Variants in TTC13 observed in about 807,000 individuals in gnomAD.
The protein encoded by TTC13 is tetratricopeptide repeat protein 13.
In TTC13, 62 loss-of-function variants were observed where a neutral mutation model predicts 120.0. The ratio of observed to expected loss-of-function variants is 0.52; its 90% CI spans 0.42 to 0.64. TTC13 has a LOEUF of 0.64. TTC13 is among the 30% of genes least tolerant of loss of function. The pLI, the probability that TTC13 is intolerant of heterozygous loss-of-function variation, is 0.00. For missense variants in TTC13, 824 were observed against 1,050.2 expected (o/e 0.78, Z 2.98); for synonymous variants, 384 against 393.5 (o/e 0.98, Z 0.28).
chr1:230,916,211 A>G lies in TTC13; in HGVS notation c.2075T>C (p.Ile692Thr), dbSNP rs1672013611. 1 of 1,613,680 alleles carries G rather than the reference A, an allele frequency of 6.2e-7. No homozygotes were observed. Among genetic ancestry groups the G allele is most frequent in the East Asian group, 2.2e-5 (1 of 44,888 alleles). The change falls in exon 18 of 23, where the codon ATC (isoleucine) becomes ACC (threonine). Residue 692 changes from isoleucine to threonine, a missense_variant. This residue lies in a region of TTC13 where 226 missense variants were observed against 259.1 expected (regional missense o/e 0.87). Coordinates refer to ENST00000366661, the MANE Select transcript of TTC13 (RefSeq NM_024525.5). The stretch of plus-strand genomic sequence containing the variant: ...CACATACTTGTCTCCTGTAATCGTG[A>G]TTGTGAATCCATCATATTCCTTCCC... ...DQGKEYDGFT[I>T]TITGDKVGNI...
Position 230,940,556 on chromosome 1 carries a change from T to C in TTC13, c.673A>G (p.Ile225Val). 6.3e-7 allele frequency: 1 copy of C among 1,595,812 alleles called. No homozygotes were observed. Among genetic ancestry groups the C allele is most frequent in the Non-Finnish European group, 8.6e-7 (1 of 1,164,756 alleles). The change falls in exon 7 of 23, where the codon ATT becomes GTT. Residue 225 changes from isoleucine to valine, a missense_variant and splice_region_variant. By Grantham distance (29) the Ile-to-Val change is conservative. This residue lies in a region of TTC13 where 430 missense variants were observed against 626.8 expected (regional missense o/e 0.69). Coordinates refer to ENST00000366661, the MANE Select transcript of TTC13 (RefSeq NM_024525.5). The surrounding 1 kb of genome is among the most constrained non-coding windows in gnomAD (Gnocchi z 4.1). ...RPEVFEQRAE[I>V]LSPLGRINEA... Reference sequence around the variant, plus strand: ...TTAATTCGTCCCAGAGGGGACAGAATCTAGAAATCCCAAACATGTAATCAG... The same window carrying C: ...TTAATTCGTCCCAGAGGGGACAGAACCTAGAAATCCCAAACATGTAATCAG...
chr1:230,939,407 G>A lies in TTC13; in HGVS notation c.879C>T (p.Phe293=). 1.9e-6 allele frequency: 3 copies of A among 1,610,356 alleles called. No homozygotes were observed. Among genetic ancestry groups the A allele is most frequent in the Non-Finnish European group, 2.5e-6 (3 of 1,177,286 alleles). The change falls in exon 8 of 23, where the codon TTC becomes TTT. Residue 293 remains phenylalanine (F), a synonymous_variant. Coordinates refer to ENST00000366661, the MANE Select transcript of TTC13 (RefSeq NM_024525.5). ...PIAMLYKGLT[F]FHRGLLKEAI... is the part of the protein sequence containing the mutation. ...TCACCTTCAGAAGTCCTCTGTGAAA[G>A]AAAGTTAAACCTTTGTATAGCATAG...
At chr1:230,953,887 T>C (rs1675811491) in intron 4 of TTC13, among the ~76,000 whole-genome samples, 1 of 152,204 alleles carries the variant, frequency 6.6e-6, no homozygotes. Flanking sequence ...GTGAGAAACA[T>C]ACCTATGAGT....
intron 8 of TTC13, among the ~76,000 whole-genome samples, chr1:230,937,890 G>T (rs1674211012): frequency 6.6e-6 from 1 of 152,216 alleles, no homozygotes; most frequent in African/African-American, 2.4e-5. Context: ...GATTGCCCAT[G>T]GAGCTTGGAG....
chr1:230,958,009 G>A (rs1393807652), intron 3 of TTC13, among the ~76,000 whole-genome samples: 2 of 149,254 alleles, frequency 1.3e-5, no homozygotes, highest in Admixed American at 6.7e-5. Context: ...CATAGAAATG[G>A]AGAGCTGGAA....
chr1:230,977,056 G>A (rs1190616698), intron 1 of TTC13, among the ~76,000 whole-genome samples: 1 of 152,178 alleles, frequency 6.6e-6, no homozygotes, highest in East Asian at 1.9e-4. Flanking sequence ...GGCTTTGTCT[G>A]GAGCCCGACT....
At chr1:230,968,139 A>C (rs1558223588) in intron 1 of TTC13, among the ~76,000 whole-genome samples, 1 of 119,272 alleles carries the variant, frequency 8.4e-6, no homozygotes, top group Non-Finnish European at 1.8e-5. Flanking sequence ...TATCTATTTT[A>C]TTCTTCTTTT....
At chr1:230,924,554 G>T (rs1432175433) in intron 14 of TTC13, among the ~76,000 whole-genome samples, 2 of 152,156 alleles carry the variant, frequency 1.3e-5, no homozygotes, top group African/African-American at 4.8e-5. Context: ...GAATGGTCTC[G>T]ATCTCCTGAC....
intron 16 of TTC13, among the ~76,000 whole-genome samples, chr1:230,920,802 G>T (rs1235912576): frequency 1.3e-5 from 2 of 152,204 alleles, no homozygotes; most frequent in African/African-American, 4.8e-5. Context: ...GGAAACAGCA[G>T]CAGATGAGAA....
At chr1:230,939,887 A>G (rs1674391329) in intron 7 of TTC13, among the ~76,000 whole-genome samples, 1 of 152,226 alleles carries the variant, frequency 6.6e-6, no homozygotes, top group Admixed American at 6.5e-5. Flanking sequence ...CTCTTTTAAT[A>G]TATTTTCTTT....
In TTC13 at chr1:230,929,007, G is replaced by A; in HGVS notation, c.1387C>T (p.His463Tyr). The change falls in exon 12 of 23, where the codon CAC becomes TAC. Residue 463 changes from histidine (H) to tyrosine (Y), a missense_variant. Physicochemically the swap from His to Tyr is moderately conservative, Grantham distance 83. Transcript: ENST00000366661. ...AGGAAAGGCAAATTTTTAGCCCAGT[G>A]GTCCTTAAAGCTTCCAGGCAGATCC... The part of the protein sequence containing the change: ...DVDLPGSFKD[H>Y]WAKNLPFLIE... 6.2e-7 allele frequency: 1 copy of A among 1,614,124 alleles called. No individual in the cohort carries two copies. The highest frequency in any genetic ancestry group is 8.5e-7 in the Non-Finnish European group (1 of 1,180,020).
At chr1:230,923,005 T>C (rs1672728757) in intron 15 of TTC13, among the ~76,000 whole-genome samples, 1 of 152,192 alleles carries the variant, frequency 6.6e-6, no homozygotes. Flanking sequence ...GAAATTTGTT[T>C]TCTAGAAATT....
chr1:230,965,139 G>C (rs2102981429), intron 1 of TTC13, among the ~76,000 whole-genome samples: 1 of 152,268 alleles, frequency 6.6e-6, no homozygotes, highest in South Asian at 2.1e-4. Context: ...ATCATGTCAA[G>C]TTGAAAAGCT....
intron 17 of TTC13, among the ~76,000 whole-genome samples, 187 bp from the exon 18 acceptor site, chr1:230,916,489 G>C (rs1274915473): frequency 1.3e-5 from 2 of 152,104 alleles, no homozygotes; most frequent in Non-Finnish European, 2.9e-5. Flanking sequence ...CAGAGCCCAG[G>C]TTACGCTCCC....
intron 2 of TTC13, among the ~76,000 whole-genome samples, chr1:230,960,665 A>G (rs902154612): frequency 5.3e-5 from 8 of 152,196 alleles, no homozygotes; most frequent in African/African-American, 1.9e-4. Context: ...AGGCCTGGAG[A>G]AAAAATACAT....
intron 18 of TTC13, among the ~76,000 whole-genome samples, chr1:230,913,386 A>G (rs1671698619): frequency 6.6e-6 from 1 of 152,180 alleles, no homozygotes; most frequent in Non-Finnish European, 1.5e-5. Context: ...AAGAAATGGG[A>G]TCTTGCTCTA....
chr1:230,940,320 T>A lies in TTC13; in HGVS notation c.789+120A>T. The A allele has an allele frequency of 1.7e-6, 1 of 585,880 alleles. No individual in the cohort carries two copies. Among genetic ancestry groups the A allele is most frequent in the Admixed American group, 3.1e-5 (1 of 31,990 alleles). The allele number at this position is 585,880 out of a possible 1,614,324, so 36.3% of individuals were successfully genotyped here. A position where few individuals can be genotyped will look rare whatever the true frequency, so the allele number is the denominator to read the frequency against. Reference sequence around the variant, plus strand: ...ACAGAAAATGCTTTTATAACTCTTATGACACAGACATATTACTAAACAGTC... The same window carrying A: ...ACAGAAAATGCTTTTATAACTCTTAAGACACAGACATATTACTAAACAGTC... On this transcript the variant is annotated intron_variant, in intron 7 of 22. Transcript: ENST00000366661. The surrounding 1 kb of genome is among the most constrained non-coding windows in gnomAD (Gnocchi z 4.1).
chr1:230,921,169 C>T (rs1672540348), intron 16 of TTC13, among the ~76,000 whole-genome samples: 1 of 151,998 alleles, frequency 6.6e-6, no homozygotes, highest in African/African-American at 2.4e-5. Flanking sequence ...AAACATCCTG[C>T]TTTATAGAAG....
intron 22 of TTC13, among the ~76,000 whole-genome samples, chr1:230,907,485 T>C (rs1444870415): frequency 6.6e-6 from 1 of 152,220 alleles, no homozygotes; most frequent in East Asian, 1.9e-4. Context: ...GGATGTAAGG[T>C]AGCATTGTTA....
Sources: gnomAD v4.1 joint callset for allele counts (sites outside exome capture counted in the v4.1 genomes callset) on GRCh38, gnomAD v4.1.1 for gene constraint, gnomAD v4.1.1 regional missense constraint, Gnocchi (gnomAD v3.1) non-coding constraint, MANE v1.5 for transcripts, NCBI Gene and HGNC (gene_info 2026-07-23, HGNC 2026-07-21) for gene names.